B4GALNT2: variants seen among roughly 807,000 people sequenced by gnomAD.
The protein encoded by B4GALNT2 is beta-1,4-N-acetyl-galactosaminyltransferase 2 (SID blood group), also known as N-acetylneuraminylgalactosylglucosyl-glucoside beta-1,4-N- acetylgalactosaminyltransferase 2.
A neutral mutation model predicts 51.1 loss-of-function variants in B4GALNT2; 42 were observed. The ratio of observed to expected loss-of-function variants is 0.82; its 90% CI spans 0.64 to 1.06. The LOEUF is 1.06. Among genes scored for constraint, B4GALNT2 ranks in the 50% least tolerant of loss-of-function variants. B4GALNT2 has a pLI of 0.00. For missense variants in B4GALNT2, 602 were observed against 633.6 expected (o/e 0.95, Z 0.54); for synonymous variants, 253 against 251.7 (o/e 1.01, Z -0.05).
At chr17:49,132,619 G>C (rs2411898), upstream of B4GALNT2, 334,952 of 627,696 alleles carry the variant, frequency 0.53, 92,906 homozygotes, top group Non-Finnish European at 0.56. Context: ...CCAGGGTAGA[G>C]ATGGGGGCGC....
chr17:49,148,317 A>T, intron 3 of B4GALNT2: 1 of 352,356 alleles, frequency 2.8e-6, no homozygotes, highest in Non-Finnish European at 5.6e-6. Flanking sequence ...AAATAAAAAC[A>T]AAACAAAAGT....
Position 49,168,845 on chromosome 17 carries a change from G to T in B4GALNT2, c.1260G>T (p.Thr420=), listed in dbSNP as rs374447392. The part of the protein sequence containing the change: ...SGVVNFFLAH[T]ERLQRVGFDP... ...TGGTCAACTTCTTCCTGGCCCACAC[G>T]GAGCGACTCCAAAGAGTTGGCTTTG... is the stretch of plus-strand genomic sequence containing the variant. Residue 420 remains threonine (T), a synonymous_variant, in exon 10 of 11, where the codon ACG becomes ACT. Coordinates refer to ENST00000393354, the MANE Select transcript of B4GALNT2 (RefSeq NM_001159387.2). 6.2e-7 allele frequency: 1 copy of T among 1,613,538 alleles called. No individual in the cohort carries two copies. The highest frequency in any genetic ancestry group is 1.8e-4 in the Middle Eastern group (1 of 5,596).
In B4GALNT2 at chr17:49,166,172, G is replaced by T. The variant is rs1194594576; in HGVS notation, c.1013G>T (p.Trp338Leu). The T allele has an allele frequency of 6.2e-7, 1 of 1,613,964 alleles. No homozygotes were observed. Among genetic ancestry groups the T allele is most frequent in the Non-Finnish European group, 8.5e-7 (1 of 1,179,970 alleles). ...CAGGTCACCACCAAATACGTTCTCT[G>T]GGTGGACGATGATTTTCTCTTCAAC... ...ISQVTTKYVL[W>L]VDDDFLFNEE... Residue 338 changes from tryptophan to leucine, a missense_variant, in exon 9 of 11, where the codon TGG (tryptophan) becomes TTG (leucine). Coordinates refer to ENST00000393354, the MANE Select transcript of B4GALNT2 (RefSeq NM_001159387.2).
chr17:49,176,170 A>G lies in B4GALNT2; in HGVS notation c.*6442A>G, dbSNP rs2042986581. On this transcript the variant is annotated 3_prime_UTR_variant, in exon 11 of 11. Transcript: ENST00000393354. ...CAACCATCACTCCAGCGACCCTTCAACTGGGGTTCAAGCCCCACGTTGGGC... is the reference window on the plus strand; with the variant it reads ...CAACCATCACTCCAGCGACCCTTCAGCTGGGGTTCAAGCCCCACGTTGGGC... 6.6e-6 allele frequency: 1 copy of G among 152,152 alleles called. No homozygotes were observed. Among genetic ancestry groups the G allele is most frequent in the Admixed American group, 6.5e-5 (1 of 15,274 alleles). 9.4% of individuals were successfully genotyped at this position (152,152 alleles called of 1,614,324 possible). A position where few individuals can be genotyped will look rare whatever the true frequency, so the allele number is the denominator to read the frequency against.
intron 1 of B4GALNT2, among the ~76,000 whole-genome samples, chr17:49,133,787 C>T (rs970021683): frequency 1.3e-5 from 2 of 152,024 alleles, no homozygotes; most frequent in African/African-American, 4.8e-5. Context: ...GTGGCAAGTG[C>T]CTGTAATCCC....
chr17:49,158,914 TG>T, intron 5 of B4GALNT2, 122 bp from the exon 6 acceptor site: 1 of 1,159,682 alleles, frequency 8.6e-7, no homozygotes, highest in Non-Finnish European at 1.2e-6. Flanking sequence ...AAGGGCACCC[TG>T]GTGCTTCTCC....
At chr17:49,130,676 T>C (rs963755321), upstream of B4GALNT2, among the ~76,000 whole-genome samples, 3 of 152,158 alleles carry the variant, frequency 2.0e-5, no homozygotes, top group African/African-American at 7.2e-5. Flanking sequence ...ACTCTTTATG[T>C]ATGAACACTT....
intron 1 of B4GALNT2, among the ~76,000 whole-genome samples, chr17:49,136,550 ATTTATTT>A (rs1434218395): frequency 2.3e-5 from 3 of 131,682 alleles, no homozygotes; most frequent in Non-Finnish European, 4.9e-5. Flanking sequence ...TTATTTATTT[ATTTATTT>A]ATTTTTGAGA....
intron 5 of B4GALNT2, 71 bp from the exon 6 acceptor site, chr17:49,158,966 A>C: frequency 1.3e-6 from 2 of 1,513,230 alleles, no homozygotes; most frequent in Non-Finnish European, 9.1e-7. Flanking sequence ...TGGCCTGGGT[A>C]TGTATGTATC....
chr17:49,137,136 A>G (rs1213164426), intron 1 of B4GALNT2, among the ~76,000 whole-genome samples: 1 of 152,158 alleles, frequency 6.6e-6, no homozygotes, highest in Non-Finnish European at 1.5e-5. Flanking sequence ...AACTGTAAAC[A>G]ACTTCCAATA....
upstream of B4GALNT2, among the ~76,000 whole-genome samples, chr17:49,131,046 C>T (rs2042535107): frequency 6.6e-6 from 1 of 152,164 alleles, no homozygotes; most frequent in Non-Finnish European, 1.5e-5. Flanking sequence ...AAATCCTAGC[C>T]CCATTACTGG....
At chr17:49,149,162 T>G (rs2042726368) in intron 3 of B4GALNT2, 1 of 152,168 alleles carries the variant, frequency 6.6e-6, no homozygotes, top group Non-Finnish European at 1.5e-5. Context: ...TATGAAATGT[T>G]TTTAAGAGCT....
chr17:49,142,137 G>C lies in B4GALNT2; in HGVS notation c.318G>C (p.Ala106=), dbSNP rs752920813. 8.1e-6 allele frequency: 13 copies of C among 1,613,984 alleles called. No homozygotes were observed. The highest frequency in any genetic ancestry group is 1.1e-5 in the Non-Finnish European group (13 of 1,180,020). ...YGQSDLPAVK[A]RRQAEFEHFQ... ...AGAGCGACCTCCCAGCGGTGAAAGCGAGGAGACAGGCTGAATTTGAACACT... is the reference window on the plus strand; with the variant it reads ...AGAGCGACCTCCCAGCGGTGAAAGCCAGGAGACAGGCTGAATTTGAACACT... The change falls in exon 3 of 11, where the codon GCG becomes GCC. Residue 106 remains alanine (A), a synonymous_variant. Coordinates refer to ENST00000393354, the MANE Select transcript of B4GALNT2 (RefSeq NM_001159387.2).
At chr17:49,130,564 G>T (rs2042532117), upstream of B4GALNT2, among the ~76,000 whole-genome samples, 1 of 152,152 alleles carries the variant, frequency 6.6e-6, no homozygotes, top group Non-Finnish European at 1.5e-5. Context: ...CTTGAACCCG[G>T]GAGGCAGAGG....
At chr17:49,158,423 T>C (rs1208089368) in intron 5 of B4GALNT2, among the ~76,000 whole-genome samples, 2 of 151,814 alleles carry the variant, frequency 1.3e-5, no homozygotes, top group East Asian at 3.9e-4. Context: ...GAGTCTAGGA[T>C]TGGAGTTTGA....
At chr17:49,134,866 C>T (rs1009698903) in intron 1 of B4GALNT2, among the ~76,000 whole-genome samples, 1 of 152,194 alleles carries the variant, frequency 6.6e-6, no homozygotes, top group Non-Finnish European at 1.5e-5. Flanking sequence ...GCTGGGAGTA[C>T]AGACATGAGC....
At chr17:49,162,584 T>C (rs771380555) in intron 7 of B4GALNT2, among the ~76,000 whole-genome samples, 3 of 152,112 alleles carry the variant, frequency 2.0e-5, no homozygotes, top group Non-Finnish European at 4.4e-5. Flanking sequence ...GAAATGACAT[T>C]TGTTCGATTG....
rs768568890 is a variant in B4GALNT2 at position 49,133,191 on chromosome 17, G to T, written c.14+385G>T. 38 of 1,506,388 alleles carry T rather than the reference G, an allele frequency of 2.5e-5. No homozygotes were observed. In the South Asian group the frequency reaches 2.8e-4, roughly 11 times the overall value. 93.3% of individuals were successfully genotyped at this position (1,506,388 alleles called of 1,614,324 possible). A position where few individuals can be genotyped will look rare whatever the true frequency, so the allele number is the denominator to read the frequency against. ...CGCTGACCCAGCCTGGGGCCCGTTT[G>T]CTGCCCACGGGAGGAGCCGCCGTCA... On this transcript the variant is annotated intron_variant, in intron 1 of 10. Coordinates refer to ENST00000393354, the MANE Select transcript of B4GALNT2 (RefSeq NM_001159387.2).
intron 3 of B4GALNT2, among the ~76,000 whole-genome samples, chr17:49,144,879 C>T (rs1363837872): frequency 6.6e-6 from 1 of 152,156 alleles, no homozygotes; most frequent in Admixed American, 6.5e-5. Context: ...AGAGCCAGTC[C>T]AAGTTCCAAA....
Sources: gnomAD v4.1 joint callset for allele counts (sites outside exome capture counted in the v4.1 genomes callset) on GRCh38, gnomAD v4.1.1 for gene constraint, MANE v1.5 for transcripts, NCBI Gene and HGNC (gene_info 2026-07-23, HGNC 2026-07-21) for gene names.